SMOC2: variants seen among roughly 807,000 people sequenced by gnomAD.
SMOC2 encodes SPARC related modular calcium binding 2.
A neutral mutation model predicts 61.4 loss-of-function variants in SMOC2; 39 were observed. That is an observed-to-expected ratio of 0.64 (90% CI 0.49 to 0.83). SMOC2 has a LOEUF of 0.83. SMOC2 is among the 40% of genes least tolerant of loss of function. SMOC2 has a pLI of 0.00. For synonymous variants in SMOC2, 247 were observed against 239.9 expected (o/e 1.03, Z -0.27); for missense variants, 556 against 592.9 (o/e 0.94, Z 0.65).
rs990010343 is a variant in SMOC2 at position 168,446,227 on chromosome 6, G to T, written c.84+4773G>T. Among the ~76,000 whole-genome samples the T allele has an allele frequency of 3.9e-4, 59 of 152,152 alleles. 1 individual carries two copies. Among genetic ancestry groups the T allele is most frequent in the Non-Finnish European group, 1.6e-4 (11 of 68,020 alleles). On this transcript the variant is annotated intron_variant, in intron 1 of 12. Transcript: ENST00000356284. ...AAAATACAAAAATTCTCTGGGTGTGGTGACACGCACCTGTAGTCCCAGCTA... is the reference window on the plus strand; with the variant it reads ...AAAATACAAAAATTCTCTGGGTGTGTTGACACGCACCTGTAGTCCCAGCTA...
At chr6:168,626,906 G>A (rs1786426873) in intron 9 of SMOC2, among the ~76,000 whole-genome samples, 1 of 152,160 alleles carries the variant, frequency 6.6e-6, no homozygotes, top group South Asian at 2.1e-4. Flanking sequence ...TGTTGCCTGA[G>A]TTGGCCTGGG....
At chr6:168,513,454 CACACACACAAAT>C (rs1783055952) in intron 2 of SMOC2, among the ~76,000 whole-genome samples, 1 of 123,176 alleles carries the variant, frequency 8.1e-6, no homozygotes, top group Admixed American at 9.5e-5. Context: ...ATGGGAGACA[CACACACACAAAT>C]ACACACACAC....
intron 10 of SMOC2, among the ~76,000 whole-genome samples, chr6:168,651,935 G>T (rs189835096): frequency 1.6e-4 from 24 of 151,976 alleles, no homozygotes; most frequent in African/African-American, 5.8e-4. Context: ...CAGCTACTCG[G>T]GAGGCTAAGG....
intron 1 of SMOC2, among the ~76,000 whole-genome samples, chr6:168,508,831 C>G (rs981169504): frequency 1.3e-5 from 2 of 152,244 alleles, no homozygotes; most frequent in African/African-American, 2.4e-5. Context: ...ATAGCCTATG[C>G]TCTGCCAGCC....
intron 9 of SMOC2, among the ~76,000 whole-genome samples, chr6:168,631,819 A>C (rs183111879): frequency 6.6e-6 from 1 of 152,330 alleles, no homozygotes; most frequent in African/African-American, 2.4e-5. Context: ...TCCAGGTGAG[A>C]AGGTGCATGA....
At chr6:168,550,746 A>G (rs1310821723) in intron 7 of SMOC2, among the ~76,000 whole-genome samples, 1 of 152,018 alleles carries the variant, frequency 6.6e-6, no homozygotes, top group East Asian at 1.9e-4. Flanking sequence ...TATTTATAAC[A>G]TTTTTCTCAG....
At chr6:168,463,794 C>A (rs1781765656) in intron 1 of SMOC2, among the ~76,000 whole-genome samples, 1 of 152,124 alleles carries the variant, frequency 6.6e-6, no homozygotes, top group African/African-American at 2.4e-5. Flanking sequence ...TCTACAGGGG[C>A]ACACTCCTAG....
chr6:168,442,756 G>A (rs1781245902), intron 1 of SMOC2, among the ~76,000 whole-genome samples: 1 of 152,130 alleles, frequency 6.6e-6, no homozygotes, highest in African/African-American at 2.4e-5. Context: ...CGTTTTAGCA[G>A]TGTGAAGGAT....
chr6:168,450,099 A>G (rs1781427446), intron 1 of SMOC2, among the ~76,000 whole-genome samples: 1 of 152,218 alleles, frequency 6.6e-6, no homozygotes, highest in Non-Finnish European at 1.5e-5. Context: ...AAGGAGAGAG[A>G]AAAGATGAAG....
chr6:168,467,588 A>G (rs550212948), intron 1 of SMOC2, among the ~76,000 whole-genome samples: 1 of 152,100 alleles, frequency 6.6e-6, no homozygotes, highest in Non-Finnish European at 1.5e-5. Flanking sequence ...GATTACAGGC[A>G]TGAGCCACCG....
At chr6:168,542,446 C>T (rs2115097851) in intron 4 of SMOC2, among the ~76,000 whole-genome samples, 1 of 152,256 alleles carries the variant, frequency 6.6e-6, no homozygotes, top group African/African-American at 2.4e-5. Flanking sequence ...CACTAAATTC[C>T]CAAACGCATA....
rs1175338164 is a variant in SMOC2 at position 168,464,110 on chromosome 6, G to A, written c.84+22656G>A. On this transcript the variant is annotated intron_variant, in intron 1 of 12. Transcript: ENST00000356284. Reference sequence around the variant, plus strand: ...GGAGGCTGAGGCACAAGAATCACTCGAACCTGGGAGGTGGAGGCTGCAGTG... The same window carrying A: ...GGAGGCTGAGGCACAAGAATCACTCAAACCTGGGAGGTGGAGGCTGCAGTG... Among the ~76,000 whole-genome samples, 8 of 147,252 alleles carry A rather than the reference G, an allele frequency of 5.4e-5. No homozygotes were observed. The South Asian group carries it at 6.4e-4, about 12-fold the overall frequency.
intron 2 of SMOC2, among the ~76,000 whole-genome samples, chr6:168,520,455 C>A (rs755899850): frequency 2.0e-5 from 3 of 152,220 alleles, no homozygotes; most frequent in Non-Finnish European, 4.4e-5. Flanking sequence ...CCCGTCCCGG[C>A]CAGCCCTGCA....
chr6:168,646,797 C>G (rs1405498916), intron 9 of SMOC2, among the ~76,000 whole-genome samples: 4 of 152,158 alleles, frequency 2.6e-5, no homozygotes, highest in Admixed American at 1.3e-4. Flanking sequence ...TGGGGCAAAA[C>G]CAGGATAGAA....
At chr6:168,530,136 G>A (rs747995) in intron 4 of SMOC2, among the ~76,000 whole-genome samples, 29,082 of 152,096 alleles carry the variant, frequency 0.19, 2,983 homozygotes, top group Admixed American at 0.25. Context: ...AAAAAGAGCC[G>A]TAGATAGGAG....
At chr6:168,525,739 G>A (rs569789332) in intron 2 of SMOC2, among the ~76,000 whole-genome samples, 6 of 152,234 alleles carry the variant, frequency 3.9e-5, no homozygotes, top group African/African-American at 1.2e-4. Context: ...GGTGGAAGAG[G>A]CAGGACGGGA....
intron 1 of SMOC2, among the ~76,000 whole-genome samples, chr6:168,503,675 A>G (rs545026963): frequency 1.3e-5 from 2 of 152,308 alleles, no homozygotes; most frequent in South Asian, 4.2e-4. Flanking sequence ...CAGAACCAGC[A>G]TTAACTCTCC....
chr6:168,488,973 A>G (rs1162694427), intron 1 of SMOC2, among the ~76,000 whole-genome samples: 5 of 150,784 alleles, frequency 3.3e-5, no homozygotes, highest in African/African-American at 1.2e-4. Flanking sequence ...AATATATCGA[A>G]TCGTCTGGGT....
At position 168,665,906 on chromosome 6, in the gene SMOC2, CT is replaced by C. The variant is rs575714666; in HGVS notation, c.1324-504del. 9.5e-3 allele frequency among the ~76,000 whole-genome samples: 1,385 copies of C among 145,830 alleles called. 11 individuals are homozygous for C. The highest frequency in any genetic ancestry group is 0.031 in the African/African-American group (1,248 of 40,008). ...ACTAAGTCTAGGAGATCATATATTGCTTTTTTTTTTTCATTCTAAATTACTT... is the reference window on the plus strand; with the variant it reads ...ACTAAGTCTAGGAGATCATATATTGCTTTTTTTTTTCATTCTAAATTACTT... On this transcript the variant is annotated intron_variant, in intron 12 of 12. Coordinates refer to ENST00000356284, the MANE Select transcript of SMOC2 (RefSeq NM_001166412.2).
Sources: allele counts gnomAD v4.1 joint callset (sites outside exome capture counted in the v4.1 genomes callset), GRCh38; gene constraint gnomAD v4.1.1; transcripts MANE v1.5; gene names NCBI Gene and HGNC (gene_info 2026-07-23, HGNC 2026-07-21).